Variants in SNX29 observed in about 807,000 individuals in gnomAD.
The protein encoded by SNX29 is sorting nexin-29.
Under a neutral mutation model 102.1 loss-of-function variants are expected in SNX29, and 78 were observed. That is an observed-to-expected ratio of 0.76 (90% CI 0.64 to 0.92). The LOEUF is 0.92. Among genes scored for constraint, SNX29 ranks in the 40% least tolerant of loss-of-function variants. The probability of loss-of-function intolerance (pLI) is 0.00; values close to 1 mark genes in which losing one functional copy is unlikely to be tolerated. For synonymous variants in SNX29, 580 were observed against 414.5 expected (o/e 1.40, Z -4.85); for missense variants, 1,280 against 1,061.7 (o/e 1.21, Z -2.86).
intron 13 of SNX29, among the ~76,000 whole-genome samples, chr16:12,177,409 T>C (rs902002257): frequency 2.6e-5 from 4 of 152,236 alleles, no homozygotes; most frequent in Non-Finnish European, 4.4e-5. Flanking sequence ...ATGATTTTTA[T>C]GGCTCCATTT....
chr16:12,282,216 G>A (rs958456230), intron 15 of SNX29, among the ~76,000 whole-genome samples: 1 of 152,070 alleles, frequency 6.6e-6, no homozygotes, highest in East Asian at 1.9e-4. Flanking sequence ...TTAACTTGAC[G>A]GAAGAGACGA....
At chr16:12,236,974 G>A (rs2077954048) in intron 14 of SNX29, among the ~76,000 whole-genome samples, 1 of 152,224 alleles carries the variant, frequency 6.6e-6, no homozygotes, top group Admixed American at 6.5e-5. Context: ...CAGCATGAGG[G>A]CTTTCCTGGA....
chr16:12,525,757 C>T (rs946764444), intron 20 of SNX29, among the ~76,000 whole-genome samples: 7 of 140,780 alleles, frequency 5.0e-5, no homozygotes, highest in African/African-American at 8.0e-5. Context: ...ATTAACCCAA[C>T]GGATGCTGCT....
intron 6 of SNX29, among the ~76,000 whole-genome samples, chr16:12,047,462 C>G (rs1288045441): frequency 1.6e-4 from 24 of 152,028 alleles, no homozygotes; most frequent in Admixed American, 1.3e-3. Context: ...CATAAGATGC[C>G]AAGTGTAAGT....
chr16:12,480,498 AC>A, intron 19 of SNX29, among the ~76,000 whole-genome samples: 1 of 151,756 alleles, frequency 6.6e-6, no homozygotes, highest in Non-Finnish European at 1.5e-5. Context: ...TAATCCCCCG[AC>A]CCCACCCTTT....
At chr16:12,451,668 C>A (rs1366868401) in intron 18 of SNX29, among the ~76,000 whole-genome samples, 2 of 152,134 alleles carry the variant, frequency 1.3e-5, no homozygotes, top group African/African-American at 2.4e-5. Context: ...TCAAGACCAT[C>A]CTGGCTAATG....
chr16:12,537,825 TAAG>T (rs950040462), intron 20 of SNX29, among the ~76,000 whole-genome samples: 1 of 152,008 alleles, frequency 6.6e-6, no homozygotes, highest in Non-Finnish European at 1.5e-5. Context: ...CCACAGCATA[TAAG>T]AAGTTGTCTG....
chr16:12,537,807 A>T (rs1250495388), intron 20 of SNX29, among the ~76,000 whole-genome samples: 2 of 152,022 alleles, frequency 1.3e-5, no homozygotes, highest in African/African-American at 4.8e-5. Context: ...TATATCAGAG[A>T]GGTGTGTCCA....
intron 13 of SNX29, among the ~76,000 whole-genome samples, chr16:12,197,730 G>T (rs571373800): frequency 3.1e-4 from 47 of 152,346 alleles, no homozygotes; most frequent in African/African-American, 1.1e-3. Context: ...TCCATGACAG[G>T]CTTTGTCTAG....
chr16:12,464,923 C>A (rs1282731245), intron 18 of SNX29, among the ~76,000 whole-genome samples: 1 of 152,196 alleles, frequency 6.6e-6, no homozygotes, highest in Non-Finnish European at 1.5e-5. Context: ...TGTCTCTTAT[C>A]TTTTGGAGAA....
In SNX29 at chr16:12,495,469, G is replaced by T. The variant is rs9927937; in HGVS notation, c.2178+17610G>T. On this transcript the variant is annotated intron_variant, in intron 19 of 20. Transcript: ENST00000566228. Reference sequence around the variant, plus strand: ...GGCGTCATCTGGAATTCTGTCTCCTGGAAGAACTGTTTCTCAGCTACCCAG... The same window carrying T: ...GGCGTCATCTGGAATTCTGTCTCCTTGAAGAACTGTTTCTCAGCTACCCAG... Among the ~76,000 whole-genome samples the T allele has an allele frequency of 4.0e-3, 616 of 152,260 alleles. 9 individuals are homozygous for T. Among genetic ancestry groups the T allele is most frequent in the African/African-American group, 0.014 (582 of 41,556 alleles).
At chr16:12,298,981 G>A (rs1050457024) in intron 15 of SNX29, among the ~76,000 whole-genome samples, 3 of 146,864 alleles carry the variant, frequency 2.0e-5, no homozygotes, top group African/African-American at 5.2e-5. Flanking sequence ...CCTCCAGAGA[G>A]GACCAATGAG....
intron 15 of SNX29, among the ~76,000 whole-genome samples, chr16:12,283,293 AC>A (rs2079491561): frequency 1.3e-5 from 2 of 151,032 alleles, no homozygotes; most frequent in South Asian, 4.2e-4. Context: ...AATGGCATTG[AC>A]TACCCTAGAT....
At chr16:12,402,431 T>G (rs1030557744) in intron 17 of SNX29, among the ~76,000 whole-genome samples, 1 of 152,198 alleles carries the variant, frequency 6.6e-6, no homozygotes, top group Admixed American at 6.5e-5. Context: ...GGAGAAAGCA[T>G]TTAGCCCTGG....
rs552163360 is a variant in SNX29, at chr16:11,982,865, A to G, written c.7+6052A>G. 2.6e-5 allele frequency among the ~76,000 whole-genome samples: 4 copies of G among 152,246 alleles called. No homozygotes were observed. In the South Asian group the frequency reaches 8.3e-4, roughly 32 times the overall value. On this transcript the variant is annotated intron_variant, in intron 1 of 20. Transcript: ENST00000566228. ...GAGTTTTGGGCTTAATGGGTAATTT[A>G]CTGCTGTTTCTTGCCTGACGTTAAT...
chr16:12,078,755 C>G, intron 10 of SNX29, 78 bp from the exon 11 acceptor site: 1 of 1,271,232 alleles, frequency 7.9e-7, no homozygotes, highest in Non-Finnish European at 1.1e-6. Context: ...GTAAACCGAC[C>G]TCTGCTAGTT....
chr16:12,567,815 A>G (rs1294620934), intron 20 of SNX29, among the ~76,000 whole-genome samples: 1 of 152,022 alleles, frequency 6.6e-6, no homozygotes, highest in Non-Finnish European at 1.5e-5. Context: ...CCTGCTGAGC[A>G]CCCTCTGCTC....
chr16:12,503,206 C>T (rs2089209598), intron 19 of SNX29, among the ~76,000 whole-genome samples: 1 of 152,200 alleles, frequency 6.6e-6, no homozygotes, highest in South Asian at 2.1e-4. Flanking sequence ...TCACTCCTTC[C>T]AGTTCGTCCT....
chr16:12,511,496 G>A (rs546609408), intron 19 of SNX29, among the ~76,000 whole-genome samples: 28 of 152,150 alleles, frequency 1.8e-4, no homozygotes, highest in Non-Finnish European at 3.8e-4. Flanking sequence ...TTATTGTTAC[G>A]AGAAACACGT....
Sources: gnomAD v4.1 joint callset for allele counts (sites outside exome capture counted in the v4.1 genomes callset) on GRCh38, gnomAD v4.1.1 for gene constraint, MANE v1.5 for transcripts, NCBI Gene and HGNC (gene_info 2026-07-23, HGNC 2026-07-21) for gene names.